Variants in SHROOM3 observed in about 807,000 individuals in gnomAD.
The protein encoded by SHROOM3 is shroom family member 3, also known as protein Shroom3.
A neutral mutation model predicts 138.6 loss-of-function variants in SHROOM3; 47 were observed. The observed-to-expected ratio is 0.34, with a 90% CI of 0.27 to 0.43. The LOEUF (loss-of-function observed/expected upper bound fraction) is 0.43, where lower values mean the gene tolerates loss of function less well. Among genes scored for constraint, SHROOM3 ranks in the 20% least tolerant of loss-of-function variants. The pLI, the probability that SHROOM3 is intolerant of heterozygous loss-of-function variation, is 1.00. For synonymous variants in SHROOM3, 1,062 were observed against 1,063.3 expected (o/e 1.00, Z 0.02); for missense variants, 2,491 against 2,596.5 (o/e 0.96, Z 0.88).
At chr4:76,449,907 C>G (rs1473236069) in intron 1 of SHROOM3, among the ~76,000 whole-genome samples, 1 of 152,044 alleles carries the variant, frequency 6.6e-6, no homozygotes, top group Non-Finnish European at 1.5e-5. Context: ...AACATATGCT[C>G]TATTAAAAAA....
intron 2 of SHROOM3, among the ~76,000 whole-genome samples, chr4:76,626,305 C>T (rs1039928966): frequency 6.6e-6 from 1 of 152,156 alleles, no homozygotes; most frequent in East Asian, 1.9e-4. Flanking sequence ...CAGTCTGCTA[C>T]ATTAATTCTA....
chr4:76,737,351 C>T (rs1721103572), intron 4 of SHROOM3, among the ~76,000 whole-genome samples: 1 of 151,344 alleles, frequency 6.6e-6, no homozygotes, highest in Non-Finnish European at 1.5e-5. Flanking sequence ...CTTGTTGCTT[C>T]CATGTTTTGG....
chr4:76,718,746 T>G (rs1207956995), intron 3 of SHROOM3, among the ~76,000 whole-genome samples: 1 of 152,162 alleles, frequency 6.6e-6, no homozygotes, highest in Non-Finnish European at 1.5e-5. Context: ...AATGGAGTGG[T>G]GTTTAGAATA....
Position 76,741,023 on chromosome 4 carries a change from G to A in SHROOM3, c.2850G>A (p.Ala950=), listed in dbSNP as rs1319986434. The A allele has an allele frequency of 2.7e-6, 4 of 1,485,032 alleles. No individual in the cohort carries two copies. Among genetic ancestry groups the A allele is most frequent in the Non-Finnish European group, 3.6e-6 (4 of 1,121,596 alleles). 92.0% of individuals were successfully genotyped at this position (1,485,032 alleles called of 1,614,324 possible). Reference sequence around the variant, plus strand: ...GACGTCGAGACCTGGAGCTGGGGGCGCCCGTGGCGTCGAGGTCCTGGCGGC... The same window carrying A: ...GACGTCGAGACCTGGAGCTGGGGGCACCCGTGGCGTCGAGGTCCTGGCGGC... The part of the protein sequence containing the change: ...SFRRRDLELG[A]PVASRSWRPR... Residue 950 remains alanine, a synonymous_variant, in exon 5 of 11, where the codon GCG becomes GCA. Coordinates refer to ENST00000296043, the MANE Select transcript of SHROOM3 (RefSeq NM_020859.4). The surrounding 1 kb of genome is among the most constrained non-coding windows in gnomAD (Gnocchi z 6.2).
chr4:76,739,594 A>G lies in SHROOM3; in HGVS notation c.1421A>G (p.Glu474Gly), dbSNP rs761686173. 6.2e-7 allele frequency: 1 copy of G among 1,614,094 alleles called. No homozygotes were observed. The highest frequency in any genetic ancestry group is 8.5e-7 in the Non-Finnish European group (1 of 1,180,042). The change falls in exon 5 of 11, where the codon GAG (glutamate) becomes GGG (glycine). Residue 474 changes from glutamate to glycine, a missense_variant. Glu to Gly is a moderately conservative substitution (Grantham distance 98, BLOSUM62 -2). This residue lies in a region of SHROOM3 where 1,733 missense variants were observed against 1,661.6 expected (regional missense o/e 1.04). Transcript: ENST00000296043. Reference protein sequence around the residue: ...PTSIYPVPSLEPHFAQVPQPS... With the variant: ...PTSIYPVPSLGPHFAQVPQPS... ...AGCATCTACCCGGTACCTTCCCTGGAGCCACACTTTGCCCAGGTGCCTCAG... is the reference window on the plus strand; with the variant it reads ...AGCATCTACCCGGTACCTTCCCTGGGGCCACACTTTGCCCAGGTGCCTCAG...
intron 10 of SHROOM3, among the ~76,000 whole-genome samples, chr4:76,773,096 G>T (rs546999566): frequency 8.5e-5 from 13 of 152,140 alleles, no homozygotes; most frequent in Non-Finnish European, 1.8e-4. Flanking sequence ...GTGAGCTAAG[G>T]CTGGGTGCAG....
chr4:76,459,149 C>T lies in SHROOM3; in HGVS notation c.168+22929C>T, dbSNP rs151252635. 7.2e-4 allele frequency among the ~76,000 whole-genome samples: 109 copies of T among 152,252 alleles called. 1 individual carries two copies. The highest frequency in any genetic ancestry group is 2.6e-3 in the African/African-American group (107 of 41,542). ...TGTTTTTTCCTACATTTGATTATAACAGGCCCAAATCTCTTTGAACATAAC... is the reference window on the plus strand; with the variant it reads ...TGTTTTTTCCTACATTTGATTATAATAGGCCCAAATCTCTTTGAACATAAC... On this transcript the variant is annotated intron_variant, in intron 1 of 10. Coordinates refer to ENST00000296043, the MANE Select transcript of SHROOM3 (RefSeq NM_020859.4).
At chr4:76,623,755 A>G (rs936631238) in intron 2 of SHROOM3, among the ~76,000 whole-genome samples, 1 of 151,986 alleles carries the variant, frequency 6.6e-6, no homozygotes, top group Non-Finnish European at 1.5e-5. Flanking sequence ...TTAGCTTTGG[A>G]TTTGCACAAA....
intron 9 of SHROOM3, among the ~76,000 whole-genome samples, chr4:76,762,685 G>GAGAA (rs1722022723): frequency 6.6e-6 from 1 of 152,220 alleles, no homozygotes; most frequent in South Asian, 2.1e-4. Flanking sequence ...AATGCTTAGT[G>GAGAA]AGAACACACC....
chr4:76,592,533 C>T (rs1734295375), intron 2 of SHROOM3, among the ~76,000 whole-genome samples: 1 of 152,164 alleles, frequency 6.6e-6, no homozygotes, highest in Non-Finnish European at 1.5e-5. Flanking sequence ...GAATTAAACT[C>T]CCAACCTTGG....
chr4:76,496,462 T>C (rs994775718), intron 1 of SHROOM3, among the ~76,000 whole-genome samples: 2 of 152,210 alleles, frequency 1.3e-5, no homozygotes, highest in East Asian at 1.9e-4. Flanking sequence ...TGTGGTGGTA[T>C]AGAAACCAAA....
chr4:76,634,015 T>G lies in SHROOM3; in HGVS notation c.324-76141T>G, dbSNP rs74917442. On this transcript the variant is annotated intron_variant, in intron 2 of 10. Transcript: ENST00000296043. Reference sequence around the variant, plus strand: ...GGAGAACCCTTCTTAATGGTGTTTTTAAATCTGTGTGCCAGTAGAGCCCAT... The same window carrying G: ...GGAGAACCCTTCTTAATGGTGTTTTGAAATCTGTGTGCCAGTAGAGCCCAT... Among the ~76,000 whole-genome samples the G allele has an allele frequency of 8.5e-3, 1,287 of 152,290 alleles. 14 individuals are homozygous for G. Among genetic ancestry groups the G allele is most frequent in the African/African-American group, 0.029 (1,220 of 41,550 alleles).
chr4:76,532,980 C>T (rs1036532080), intron 1 of SHROOM3, among the ~76,000 whole-genome samples: 2 of 152,108 alleles, frequency 1.3e-5, no homozygotes, highest in African/African-American at 2.4e-5. Flanking sequence ...GGACAGGTGG[C>T]GTCTATAGTG....
chr4:76,448,500 G>A (rs530842252), intron 1 of SHROOM3, among the ~76,000 whole-genome samples: 30 of 152,266 alleles, frequency 2.0e-4, no homozygotes, highest in African/African-American at 7.2e-4. Flanking sequence ...ATGACCAACT[G>A]GAGTTGGTAC....
At chr4:76,580,668 T>C (rs934817086) in intron 2 of SHROOM3, among the ~76,000 whole-genome samples, 1 of 152,098 alleles carries the variant, frequency 6.6e-6, no homozygotes, top group Non-Finnish European at 1.5e-5. Flanking sequence ...TCAGGTGATC[T>C]GCCGGCCTCG....
At chr4:76,443,018 G>T (rs1730728603) in intron 1 of SHROOM3, among the ~76,000 whole-genome samples, 1 of 152,192 alleles carries the variant, frequency 6.6e-6, no homozygotes, top group Non-Finnish European at 1.5e-5. Flanking sequence ...AGCAGGTTAA[G>T]TTGGGCTCAG....
At chr4:76,641,044 A>G (rs1047529050) in intron 2 of SHROOM3, among the ~76,000 whole-genome samples, 7 of 152,238 alleles carry the variant, frequency 4.6e-5, no homozygotes, top group Admixed American at 3.3e-4. Flanking sequence ...TATGCAGGCC[A>G]TCCCTCTTTT....
chr4:76,555,680 T>C lies in SHROOM3; in HGVS notation c.240T>C (p.Asn80=), dbSNP rs150311388. ...CTGGGGATGAGGTTGTGCACATCAA[T>C]GAGGTGACTCTGAGCAGCTCCAGAA... ...LQAGDEVVHI[N]EVTLSSSRKE... Residue 80 remains asparagine, a synonymous_variant, in exon 2 of 11, where the codon AAT becomes AAC. Transcript: ENST00000296043. 9.3e-6 allele frequency: 15 copies of C among 1,613,988 alleles called. No homozygotes were observed. Among genetic ancestry groups the C allele is most frequent in the African/African-American group, 5.3e-5 (4 of 74,926 alleles).
intron 1 of SHROOM3, among the ~76,000 whole-genome samples, chr4:76,542,285 A>G (rs183928898): frequency 5.8e-4 from 88 of 152,330 alleles, no homozygotes; most frequent in Non-Finnish European, 8.2e-4. Context: ...GGCTTAGAGG[A>G]AAGAATTAAC....
Sources: gnomAD v4.1 joint callset for allele counts (sites outside exome capture counted in the v4.1 genomes callset) on GRCh38, gnomAD v4.1.1 for gene constraint, gnomAD v4.1.1 regional missense constraint, Gnocchi (gnomAD v3.1) non-coding constraint, MANE v1.5 for transcripts, NCBI Gene and HGNC (gene_info 2026-07-23, HGNC 2026-07-21) for gene names.